The following GABRR1 variants were observed in gnomAD, a reference collection of about 807,000 sequenced individuals.
GABRR1 encodes gamma-aminobutyric acid receptor subunit rho-1.
In GABRR1, 59 loss-of-function variants were observed where a neutral mutation model predicts 55.5. The observed-to-expected ratio is 1.06, with a 90% CI of 0.86 to 1.32. The LOEUF (loss-of-function observed/expected upper bound fraction) is 1.32, where lower values mean the gene tolerates loss of function less well. GABRR1 is among the 40% of genes most tolerant of loss of function. GABRR1 has a pLI of 0.00. For synonymous variants in GABRR1, 213 were observed against 226.0 expected (o/e 0.94, Z 0.51); for missense variants, 602 against 619.1 (o/e 0.97, Z 0.29).
chr6:89,204,619 T>C (rs2127802009), intron 1 of GABRR1: 2 of 1,271,800 alleles, frequency 1.6e-6, no homozygotes, highest in East Asian at 5.6e-5. Context: ...CAGCCTGAAA[T>C]GGAACCAGTC....
rs562775235 is a variant in GABRR1, at chr6:89,192,183, T to C, written c.573-1936A>G. Among the ~76,000 whole-genome samples the C allele has an allele frequency of 2.0e-5, 3 of 152,264 alleles. No homozygotes were observed. In the South Asian group the frequency reaches 6.2e-4, roughly 32 times the overall value. The stretch of plus-strand genomic sequence containing the variant: ...TGTGGCTGGGCGGCTTCCTGCTTTC[T>C]GGGCCTGTTACCTGGTGGAAGCTGA... On this transcript the variant is annotated intron_variant, in intron 5 of 9. Coordinates refer to ENST00000454853, the MANE Select transcript of GABRR1 (RefSeq NM_002042.5).
chr6:89,187,180 G>A (rs1453627652), intron 6 of GABRR1, among the ~76,000 whole-genome samples: 1 of 151,908 alleles, frequency 6.6e-6, no homozygotes, highest in Non-Finnish European at 1.5e-5. Context: ...GCCTCAGCCT[G>A]GCTCTTTCTG....
chr6:89,227,896 G>T (rs1326783019), intron 1 of GABRR1, among the ~76,000 whole-genome samples: 1 of 76,700 alleles, frequency 1.3e-5, no homozygotes, highest in African/African-American at 5.3e-5. Context: ...TCTGGTCCTG[G>T]ACTCTTTTTG....
At chr6:89,180,270 T>G in intron 9 of GABRR1, 22 bp downstream of exon 9, 1 of 1,610,584 alleles carries the variant, frequency 6.2e-7, no homozygotes, top group Non-Finnish European at 8.5e-7. Flanking sequence ...GACCAGACAC[T>G]ATAAGCGCAT....
At chr6:89,200,241 CTTTTTTT>C (rs10603486) in intron 3 of GABRR1, among the ~76,000 whole-genome samples, 11 of 86,328 alleles carry the variant, frequency 1.3e-4, no homozygotes, top group Non-Finnish European at 1.9e-4. Context: ...TTCTTTTTCC[CTTTTTTT>C]TTTTTTTTTT....
At chr6:89,223,217 G>A (rs1050619931) in intron 1 of GABRR1, among the ~76,000 whole-genome samples, 4 of 152,040 alleles carry the variant, frequency 2.6e-5, no homozygotes, top group Admixed American at 6.6e-5. Flanking sequence ...CCCTTTCCCC[G>A]AGTCCTCTAA....
intron 3 of GABRR1, 76 bp from the exon 4 acceptor site, chr6:89,199,505 C>A (rs1465906743): frequency 2.2e-6 from 3 of 1,382,892 alleles, no homozygotes; most frequent in Non-Finnish European, 3.1e-6. Flanking sequence ...GCAAAAGGAG[C>A]ATTTCCCCTG....
rs760689117 is a variant in GABRR1, at chr6:89,177,809, G to A, written c.*961C>T. 6.6e-6 allele frequency: 1 copy of A among 152,104 alleles called. No homozygotes were observed. Among genetic ancestry groups the A allele is most frequent in the African/African-American group, 2.4e-5 (1 of 41,406 alleles). The allele number at this position is 152,104 out of a possible 1,614,324, so 9.4% of individuals were successfully genotyped here. ...TATCTTCCCATTTATTTTGCTTTCC[G>A]ATGTTCTTTTTCTCTTAAGAAACCA... On this transcript the variant is annotated 3_prime_UTR_variant, in exon 10 of 10. Coordinates refer to ENST00000454853, the MANE Select transcript of GABRR1 (RefSeq NM_002042.5).
chr6:89,180,261 AC>A (rs199771491), intron 9 of GABRR1, 30 bp downstream of exon 9: 22,926 of 1,604,146 alleles, frequency 0.014, 213 homozygotes, highest in Non-Finnish European at 0.018. Context: ...TTCCATCCTG[AC>A]CAGACACTAT....
At chr6:89,192,513 T>C (rs1772132048) in intron 5 of GABRR1, among the ~76,000 whole-genome samples, 4 of 151,620 alleles carry the variant, frequency 2.6e-5, no homozygotes, top group Admixed American at 2.6e-4. Context: ...CACAAATCTT[T>C]CCTTTCTCCC....
intron 3 of GABRR1, among the ~76,000 whole-genome samples, chr6:89,200,859 C>T (rs910134117): frequency 6.6e-6 from 1 of 152,206 alleles, no homozygotes; most frequent in Non-Finnish European, 1.5e-5. Flanking sequence ...CATTGGGCTG[C>T]AGCTGCCCTG....
chr6:89,198,606 G>A lies in GABRR1; in HGVS notation c.349-363C>T, dbSNP rs192158756. Among the ~76,000 whole-genome samples, 823 of 152,192 alleles carry A rather than the reference G, an allele frequency of 5.4e-3. 9 individuals are homozygous for A. Among genetic ancestry groups the A allele is most frequent in the African/African-American group, 0.018 (738 of 41,504 alleles). On this transcript the variant is annotated intron_variant, in intron 4 of 9. Transcript: ENST00000454853. ...AACAGCACTCAATCAGAGAGAAGGC[G>A]GTGGATACATACCCCAGAGCCTGCA...
Position 89,225,625 on chromosome 6 carries a change from T to C in GABRR1, c.-410-4179A>G, listed in dbSNP as rs1773188750. Among the ~76,000 whole-genome samples the C allele has an allele frequency of 5.6e-5, 7 of 124,898 alleles. No individual in the cohort carries two copies. In the South Asian group the frequency reaches 1.9e-3, roughly 34 times the overall value. 81.9% of individuals were successfully genotyped at this position (124,898 alleles called of 152,430 possible). On this transcript the variant is annotated intron_variant, in intron 1 of 11. Transcript: ENST00000369451. ...TTTTTTATGGCTGCATAGTATTCCATGGTGTATATGTGCCACATTTTCTTA... is the reference window on the plus strand; with the variant it reads ...TTTTTTATGGCTGCATAGTATTCCACGGTGTATATGTGCCACATTTTCTTA...
At position 89,185,174 on chromosome 6, in the gene GABRR1, G is replaced by A. The variant is rs769012819; in HGVS notation, c.796+136C>T. 113 of 1,138,778 alleles carry A rather than the reference G, an allele frequency of 9.9e-5. No individual in the cohort carries two copies. In the African/African-American group the frequency reaches 1.3e-3, roughly 13 times the overall value. The allele number at this position is 1,138,778 out of a possible 1,614,324, so 70.5% of individuals were successfully genotyped here. Reference sequence around the variant, plus strand: ...TGCTGGGACATGAGCCACTGCACCCGGCCTCTGTCTTTAGTTTCAAATATA... The same window carrying A: ...TGCTGGGACATGAGCCACTGCACCCAGCCTCTGTCTTTAGTTTCAAATATA... On this transcript the variant is annotated intron_variant, in intron 7 of 9. Transcript: ENST00000454853.
intron 1 of GABRR1, among the ~76,000 whole-genome samples, chr6:89,210,480 C>T (rs1207769098): frequency 1.3e-5 from 2 of 152,060 alleles, no homozygotes; most frequent in Non-Finnish European, 2.9e-5. Flanking sequence ...AGGTGTGAGC[C>T]ATCATGCCCA....
chr6:89,190,174 T>C lies in GABRR1; in HGVS notation c.646A>G (p.Ile216Val). The C allele has an allele frequency of 1.2e-6, 2 of 1,609,496 alleles. No individual in the cohort carries two copies. The highest frequency in any genetic ancestry group is 1.7e-6 in the Non-Finnish European group (2 of 1,177,736). ...GGACAAGTCTACTCACAGCTTTCAA[T>C]TTCAAGAGAGCACGTTTGTGTGTCC... ...PLDTQTCSLE[I>V]ESYAYTEDDL... The change falls in exon 6 of 10, where the codon ATT (isoleucine) becomes GTT (valine). Residue 216 changes from isoleucine (I) to valine (V), a missense_variant. Physicochemically the swap from Ile to Val is conservative, Grantham distance 29. Around this residue, in one of 3 missense-constraint regions of GABRR1, gnomAD observed 435 missense variants for 424.2 expected, o/e 1.03. Coordinates refer to ENST00000454853, the MANE Select transcript of GABRR1 (RefSeq NM_002042.5).
chr6:89,212,423 C>CCATT (rs1772855171), intron 1 of GABRR1, among the ~76,000 whole-genome samples: 1 of 34,744 alleles, frequency 2.9e-5, no homozygotes, highest in Non-Finnish European at 7.8e-5. Context: ...AAGCAAGCAT[C>CCATT]GTCTCTCTGA....
intron 5 of GABRR1, among the ~76,000 whole-genome samples, chr6:89,196,454 TG>T (rs1378116500): frequency 2.0e-5 from 3 of 152,108 alleles, no homozygotes; most frequent in African/African-American, 7.2e-5. Context: ...TGGTAGTTTT[TG>T]AGCCTTAAGA....
chr6:89,205,848 T>C (rs1772622875), intron 1 of GABRR1: 1 of 152,194 alleles, frequency 6.6e-6, no homozygotes, highest in South Asian at 2.1e-4. Context: ...GAAGTCCTTG[T>C]ATGTAGTGCA....
Sources: gnomAD v4.1 joint callset for allele counts (sites outside exome capture counted in the v4.1 genomes callset) on GRCh38, gnomAD v4.1.1 for gene constraint, gnomAD v4.1.1 regional missense constraint, MANE v1.5 for transcripts, NCBI Gene and HGNC (gene_info 2026-07-23, HGNC 2026-07-21) for gene names.